Variants in NAA11 observed in about 807,000 individuals in gnomAD.
NAA11 encodes the protein N-alpha-acetyltransferase 11, NatA catalytic subunit, also known as N-alpha-acetyltransferase 11.
In NAA11, 15 loss-of-function variants were observed where a neutral mutation model predicts 16.1. The ratio of observed to expected loss-of-function variants is 0.93; its 90% confidence interval spans 0.62 to 1.44. The LOEUF (loss-of-function observed/expected upper bound fraction) is 1.44. Ranked by LOEUF, NAA11 falls within the 40% of genes most tolerant of loss-of-function variation. The pLI, the probability that NAA11 is intolerant of heterozygous loss-of-function variation, is 0.00. For synonymous variants in NAA11, 122 were observed against 112.4 expected (o/e 1.09, Z -0.54); for missense variants, 298 against 291.3 (o/e 1.02, Z -0.17).
intron 2 of NAA11, among the ~76,000 whole-genome samples, chr4:79,251,587 C>G (rs1721996292): frequency 6.6e-6 from 1 of 152,008 alleles, no homozygotes; most frequent in African/African-American, 2.4e-5. Context: ...AGGCAATTTT[C>G]CTGCATAACA....
chr4:79,186,759 C>T, the NAA11 span, among the ~76,000 whole-genome samples: 1 of 152,032 alleles, frequency 6.6e-6, no homozygotes, highest in Non-Finnish European at 1.5e-5. Context: ...TCTTGGTGGG[C>T]TGCTGAGTAC....
At chr4:79,202,052 T>C in the NAA11 span, among the ~76,000 whole-genome samples, 1 of 151,644 alleles carries the variant, frequency 6.6e-6, no homozygotes, top group African/African-American at 2.4e-5. Flanking sequence ...GGTGATAACA[T>C]TCAAAATCCT....
chr4:79,303,204 A>C (rs963861215), intron 1 of NAA11, among the ~76,000 whole-genome samples: 2 of 150,566 alleles, frequency 1.3e-5, no homozygotes, highest in Non-Finnish European at 3.0e-5. Context: ...ATAAATGTAC[A>C]GGTCAGTTTT....
the NAA11 span, among the ~76,000 whole-genome samples, chr4:79,178,708 T>G: frequency 2.7e-4 from 41 of 152,176 alleles, no homozygotes; most frequent in Non-Finnish European, 4.7e-4. Context: ...CCCTTTGTGA[T>G]GAGTGCTATA....
At chr4:79,171,711 C>T in the NAA11 span, among the ~76,000 whole-genome samples, 1 of 152,028 alleles carries the variant, frequency 6.6e-6, no homozygotes, top group African/African-American at 2.4e-5. Flanking sequence ...GAAAATGTTA[C>T]CGTGGATTAT....
chr4:79,220,104 T>C, the NAA11 span, among the ~76,000 whole-genome samples: 10 of 152,208 alleles, frequency 6.6e-5, no homozygotes, highest in African/African-American at 2.4e-4. Context: ...CTTCTGTGAC[T>C]TTTTTTGAGA....
the NAA11 span, among the ~76,000 whole-genome samples, chr4:79,211,967 A>AT: frequency 6.6e-6 from 1 of 152,218 alleles, no homozygotes; most frequent in Non-Finnish European, 1.5e-5. Context: ...AGCTCTTCTC[A>AT]TAAGCTTAAA....
intron 1 of NAA11, among the ~76,000 whole-genome samples, chr4:79,303,141 T>G (rs1723462770): frequency 7.4e-6 from 1 of 134,308 alleles, no homozygotes; most frequent in South Asian, 2.5e-4. Flanking sequence ...CATAAATATT[T>G]TCAAAAAGCA....
intron 2 of NAA11, among the ~76,000 whole-genome samples, chr4:79,228,483 T>G (rs568793801): frequency 2.5e-4 from 38 of 152,144 alleles, no homozygotes; most frequent in Admixed American, 7.9e-4. Context: ...TTTATGTTCT[T>G]TATAGTCATA....
At chr4:79,244,411 A>G (rs139917043) in intron 2 of NAA11, among the ~76,000 whole-genome samples, 1 of 152,176 alleles carries the variant, frequency 6.6e-6, no homozygotes, top group East Asian at 1.9e-4. Context: ...TACTTTGCCT[A>G]TTGTCTTTTT....
intron 2 of NAA11, among the ~76,000 whole-genome samples, chr4:79,238,432 C>T (rs1043601733): frequency 1.3e-5 from 2 of 152,044 alleles, no homozygotes; most frequent in African/African-American, 4.8e-5. Context: ...TTTTGAAGTA[C>T]AACTTATGGA....
At chr4:79,278,287 C>T (rs1187647127) in intron 2 of NAA11, among the ~76,000 whole-genome samples, 2 of 152,074 alleles carry the variant, frequency 1.3e-5, no homozygotes, top group Non-Finnish European at 2.9e-5. Context: ...AGTGACTCAG[C>T]CAATGAACGT....
chr4:79,272,241 A>G (rs967055648), intron 2 of NAA11, among the ~76,000 whole-genome samples: 1 of 152,034 alleles, frequency 6.6e-6, no homozygotes, highest in Non-Finnish European at 1.5e-5. Flanking sequence ...ACTTTTCCCA[A>G]TAGCATCTAC....
intron 1 of NAA11, 33 bp from the exon 2 acceptor site, chr4:79,317,824 A>C (rs1402198106): frequency 6.6e-6 from 1 of 152,250 alleles, no homozygotes; most frequent in African/African-American, 2.4e-5. Context: ...CAAATGAGAA[A>C]GGGAGAGCTA....
At chr4:79,169,428 A>G in the NAA11 span, among the ~76,000 whole-genome samples, 11 of 152,306 alleles carry the variant, frequency 7.2e-5, no homozygotes, top group Admixed American at 1.3e-4. Context: ...ATGGAACAGA[A>G]TAGAGGCCTC....
intron 2 of NAA11, among the ~76,000 whole-genome samples, chr4:79,255,401 G>A (rs1722086277): frequency 6.6e-6 from 1 of 151,688 alleles, no homozygotes; most frequent in Non-Finnish European, 1.5e-5. Flanking sequence ...ATTAGTATTT[G>A]TGTGCTATAT....
At position 79,256,651 on chromosome 4, in the gene NAA11, A is replaced by AATATATATATAT. The variant is rs34533882; in HGVS notation, c.*123-30393_*123-30382dup. Among the ~76,000 whole-genome samples the AATATATATATAT allele has an allele frequency of 7.0e-3, 913 of 130,728 alleles. 13 individuals are homozygous for AATATATATATAT. The highest frequency in any genetic ancestry group is 0.023 in the African/African-American group (750 of 32,570). 85.8% of individuals were successfully genotyped at this position (130,728 alleles called of 152,430 possible). ...AATGAACCATATATATATAAATATA[A>AATATATATATAT]ATATATATATATATATATTGACACG... On this transcript the variant is annotated intron_variant and NMD_transcript_variant, in intron 2 of 2. Transcript: ENST00000511542.
At chr4:79,313,569 G>GT (rs1723842867), downstream of NAA11, among the ~76,000 whole-genome samples, 1 of 152,134 alleles carries the variant, frequency 6.6e-6, no homozygotes, top group Non-Finnish European at 1.5e-5. Flanking sequence ...AGCAATATAT[G>GT]TATGATTTAA....
chr4:79,200,170 C>T, the NAA11 span, among the ~76,000 whole-genome samples: 2 of 151,788 alleles, frequency 1.3e-5, no homozygotes, highest in Non-Finnish European at 2.9e-5. Context: ...TGACCTGGGA[C>T]CTCTGTGCCT....
Sources: allele counts gnomAD v4.1 joint callset (sites outside exome capture counted in the v4.1 genomes callset), GRCh38; gene constraint gnomAD v4.1.1; transcripts MANE v1.5; gene names NCBI Gene and HGNC (gene_info 2026-07-23, HGNC 2026-07-21).